NRG3: variants seen among roughly 807,000 people sequenced by gnomAD.
The protein encoded by NRG3 is pro-neuregulin-3, membrane-bound isoform.
NRG3 carries 31 observed loss-of-function variants against 66.9 expected under a neutral mutation model. That is an observed-to-expected ratio of 0.46 (90% confidence interval 0.35 to 0.63). The LOEUF (loss-of-function observed/expected upper bound fraction) is 0.63. Among genes scored for constraint, NRG3 ranks in the 20% least tolerant of loss-of-function variants. The pLI is 0.00. For synonymous variants in NRG3, 393 were observed against 359.4 expected, an observed-to-expected ratio of 1.09 and a Z score of -1.06; for missense variants, 910 against 878.9, an observed-to-expected ratio of 1.04 and a Z score of -0.45.
intron 2 of NRG3, among the ~76,000 whole-genome samples, chr10:82,384,202 A>G (rs1024217330): frequency 4.6e-5 from 7 of 151,990 alleles, no homozygotes; most frequent in African/African-American, 1.7e-4. Context: ...AAATGTCTTT[A>G]AGTTGTTTGG....
At chr10:82,238,917 T>C (rs1589431954) in intron 1 of NRG3, among the ~76,000 whole-genome samples, 1 of 147,428 alleles carries the variant, frequency 6.8e-6, no homozygotes, top group South Asian at 2.1e-4. Context: ...ATACCGTATA[T>C]ATATATATAT....
intron 2 of NRG3, among the ~76,000 whole-genome samples, chr10:82,399,114 C>T (rs2136035725): frequency 6.6e-6 from 1 of 152,244 alleles, no homozygotes; most frequent in Non-Finnish European, 1.5e-5. Flanking sequence ...GGAATACATG[C>T]CTCCTTTTTA....
chr10:82,677,131 T>C (rs1203339795), intron 2 of NRG3, among the ~76,000 whole-genome samples: 1 of 151,216 alleles, frequency 6.6e-6, no homozygotes, highest in Admixed American at 6.6e-5. Flanking sequence ...ATGATCTCAG[T>C]TCACTACAAT....
chr10:82,918,044 G>A (rs1846052387), intron 4 of NRG3, among the ~76,000 whole-genome samples: 1 of 147,358 alleles, frequency 6.8e-6, no homozygotes, highest in Admixed American at 6.8e-5. Flanking sequence ...TTACATGTAT[G>A]TATATTTTTT....
At chr10:81,897,437 G>A (rs1403683377) in intron 1 of NRG3, among the ~76,000 whole-genome samples, 1 of 152,144 alleles carries the variant, frequency 6.6e-6, no homozygotes, top group African/African-American at 2.4e-5. Context: ...CTAGAGAGTG[G>A]AGACATAGTA....
chr10:82,575,182 A>G (rs985146976), intron 2 of NRG3, among the ~76,000 whole-genome samples: 6 of 151,770 alleles, frequency 4.0e-5, no homozygotes, highest in Admixed American at 6.6e-5. Flanking sequence ...CAAGAAATAT[A>G]TACATTTTTC....
chr10:81,953,978 G>T (rs991904678), intron 1 of NRG3, among the ~76,000 whole-genome samples: 1 of 151,996 alleles, frequency 6.6e-6, no homozygotes, highest in African/African-American at 2.4e-5. Context: ...AGTGATTATT[G>T]TTCATTTCAG....
chr10:82,044,652 T>C (rs1175511053), intron 1 of NRG3, among the ~76,000 whole-genome samples: 1 of 152,094 alleles, frequency 6.6e-6, no homozygotes, highest in Non-Finnish European at 1.5e-5. Context: ...TGTATACATG[T>C]GCCATGCTGG....
At chr10:82,636,244 T>C (rs1223054442) in intron 2 of NRG3, among the ~76,000 whole-genome samples, 1 of 148,984 alleles carries the variant, frequency 6.7e-6, no homozygotes, top group African/African-American at 2.5e-5. Flanking sequence ...TGTGTGTCTG[T>C]GTGTGTGTGT....
intron 1 of NRG3, among the ~76,000 whole-genome samples, chr10:82,244,999 G>C (rs1484103622): frequency 6.6e-6 from 1 of 152,098 alleles, no homozygotes; most frequent in Non-Finnish European, 1.5e-5. Context: ...CAAAGTGCCA[G>C]GATTACAGGT....
intron 3 of NRG3, among the ~76,000 whole-genome samples, chr10:82,763,772 A>G (rs1253667935): frequency 1.3e-5 from 2 of 152,138 alleles, no homozygotes; most frequent in African/African-American, 2.4e-5. Flanking sequence ...GCTGTTGATC[A>G]TACAGAATGT....
chr10:81,876,470 C>A (rs1387269883), intron 1 of NRG3, among the ~76,000 whole-genome samples: 1 of 152,124 alleles, frequency 6.6e-6, no homozygotes, highest in Non-Finnish European at 1.5e-5. Flanking sequence ...GAGTGCGATC[C>A]CTCCTCACTG....
At chr10:82,524,086 C>T (rs528545759) in intron 2 of NRG3, among the ~76,000 whole-genome samples, 5 of 152,148 alleles carry the variant, frequency 3.3e-5, no homozygotes, top group Middle Eastern at 3.4e-3. Flanking sequence ...TTGTACATAT[C>T]TAACAAACAC....
At chr10:82,248,524 A>G (rs2077348311) in intron 1 of NRG3, among the ~76,000 whole-genome samples, 1 of 152,130 alleles carries the variant, frequency 6.6e-6, no homozygotes, top group Admixed American at 6.5e-5. Flanking sequence ...GACCATCTGC[A>G]TGTAAAGTTG....
chr10:82,578,625 A>G (rs1340242868), intron 2 of NRG3, among the ~76,000 whole-genome samples: 1 of 151,710 alleles, frequency 6.6e-6, no homozygotes, highest in South Asian at 2.1e-4. Context: ...CAGAATCAGA[A>G]CACAAACCAA....
intron 1 of NRG3, among the ~76,000 whole-genome samples, chr10:82,289,157 C>G (rs1161335624): frequency 1.3e-5 from 2 of 152,152 alleles, no homozygotes; most frequent in Admixed American, 6.5e-5. Flanking sequence ...TTCTCTAACT[C>G]TTTGCTTTAG....
At chr10:82,433,683 C>A (rs2089962142) in intron 2 of NRG3, among the ~76,000 whole-genome samples, 1 of 152,148 alleles carries the variant, frequency 6.6e-6, no homozygotes, top group Non-Finnish European at 1.5e-5. Flanking sequence ...CAAGTTTTCC[C>A]AGCACCATTT....
intron 1 of NRG3, among the ~76,000 whole-genome samples, chr10:82,311,476 A>T (rs2081022840): frequency 6.6e-6 from 1 of 152,148 alleles, no homozygotes; most frequent in African/African-American, 2.4e-5. Flanking sequence ...TTGGTAAAGC[A>T]CTCACTGGCT....
intron 1 of NRG3, chr10:81,877,994 G>A (rs572733630): frequency 4.2e-5 from 65 of 1,537,698 alleles, no homozygotes; most frequent in Non-Finnish European, 5.4e-5. Context: ...CCTTGTATGC[G>A]TTGGGAGAGG....
Sources: gnomAD v4.1 joint callset for allele counts (sites outside exome capture counted in the v4.1 genomes callset) on GRCh38, gnomAD v4.1.1 for gene constraint, MANE v1.5 for transcripts, NCBI Gene and HGNC (gene_info 2026-07-23, HGNC 2026-07-21) for gene names.